The following UTRN variants were observed in gnomAD, a reference collection of about 807,000 sequenced individuals.
UTRN encodes utrophin, also known as dystrophin-related protein 1.
A neutral mutation model predicts 463.9 loss-of-function variants in UTRN; 283 were observed. That is an observed-to-expected ratio of 0.61 (90% CI 0.55 to 0.67). The LOEUF is 0.67. Ranked by LOEUF, UTRN falls within the 30% of genes least tolerant of loss-of-function variation. The pLI is 0.00. For missense variants in UTRN, 3,922 were observed against 4,084.3 expected (o/e 0.96, Z 1.08); for synonymous variants, 1,442 against 1,431.5 (o/e 1.01, Z -0.17).
intron 2 of UTRN, among the ~76,000 whole-genome samples, chr6:144,354,929 A>C (rs1400494166): frequency 6.6e-6 from 1 of 152,168 alleles, no homozygotes; most frequent in Admixed American, 6.5e-5. Context: ...TCAGGTGGTC[A>C]TTGTGTATGT....
chr6:144,490,148 C>T lies in UTRN; in HGVS notation c.4212C>T (p.Thr1404=). 6.2e-7 allele frequency: 1 copy of T among 1,613,820 alleles called. No individual in the cohort carries two copies. The highest frequency in any genetic ancestry group is 8.5e-7 in the Non-Finnish European group (1 of 1,179,854). Residue 1404 remains threonine (T), a synonymous_variant, in exon 31 of 75, where the codon ACC becomes ACT. Transcript: ENST00000367545. ...LRRNMRSQPL[T]SPESRTARGG... is the part of the protein sequence containing the mutation. ...GAAATATGCGTTCTCAGCCCCTGAC[C>T]TCCCCAGAGAGTAGGACTGCCAGAG... is the stretch of plus-strand genomic sequence containing the variant.
At chr6:144,654,856 C>T (rs1482410590) in intron 51 of UTRN, among the ~76,000 whole-genome samples, 1 of 152,230 alleles carries the variant, frequency 6.6e-6, no homozygotes, top group Admixed American at 6.5e-5. Flanking sequence ...GACTCCTGCA[C>T]CTGGTTGGCT....
chr6:144,721,304 T>C (rs1787132776), intron 53 of UTRN, among the ~76,000 whole-genome samples: 1 of 152,184 alleles, frequency 6.6e-6, no homozygotes, highest in Admixed American at 6.5e-5. Context: ...CTCAAACTCC[T>C]GGAGCCAAGC....
In UTRN at chr6:144,517,133, A is replaced by G. The variant is rs76099336; in HGVS notation, c.5541+185A>G. On this transcript the variant is annotated intron_variant, in intron 39 of 74. Transcript: ENST00000367545. ...GGTGCAGAACTCAAAATGGAAATGT[A>G]AAACCTTATTATTGGCCATCTCTTT... 2.5e-3 allele frequency among the ~76,000 whole-genome samples: 375 copies of G among 151,866 alleles called. 13 individuals carry two copies. In the East Asian group the frequency reaches 0.058, roughly 24 times the overall value.
chr6:144,484,432 C>CTTTTTTTTTTT (rs765122659), intron 27 of UTRN, among the ~76,000 whole-genome samples: 3 of 66,254 alleles, frequency 4.5e-5, no homozygotes, highest in African/African-American at 7.6e-5. Context: ...AAAAACCAAA[C>CTTTTTTTTTTT]TTTTTTTTTT....
intron 51 of UTRN, among the ~76,000 whole-genome samples, chr6:144,650,613 A>G (rs186359620): frequency 2.0e-5 from 3 of 152,330 alleles, no homozygotes; most frequent in East Asian, 1.9e-4. Flanking sequence ...CTGGCTTTTA[A>G]TAATTACTGG....
At chr6:144,684,216 A>G (rs1782509252) in intron 52 of UTRN, among the ~76,000 whole-genome samples, 1 of 151,598 alleles carries the variant, frequency 6.6e-6, no homozygotes, top group Admixed American at 6.6e-5. Context: ...CACCCAACTT[A>G]TTTTTGTATT....
chr6:144,481,698 C>T (rs1310599418), intron 26 of UTRN, among the ~76,000 whole-genome samples: 2 of 152,312 alleles, frequency 1.3e-5, no homozygotes, highest in African/African-American at 4.8e-5. Flanking sequence ...GAAATGAAAA[C>T]ATTTGTGGGA....
chr6:144,406,662 C>T (rs559970046), intron 3 of UTRN, among the ~76,000 whole-genome samples: 11 of 152,286 alleles, frequency 7.2e-5, no homozygotes, highest in Middle Eastern at 3.4e-3. Flanking sequence ...CCACCACGCC[C>T]GGCCTCCCCT....
At chr6:144,412,389 T>C (rs1783976351) in intron 3 of UTRN, among the ~76,000 whole-genome samples, 1 of 152,144 alleles carries the variant, frequency 6.6e-6, no homozygotes, top group Admixed American at 6.5e-5. Flanking sequence ...ATGTACATAG[T>C]GCTTACTGAT....
chr6:144,711,514 A>G (rs1167362050), intron 53 of UTRN, among the ~76,000 whole-genome samples: 1 of 152,204 alleles, frequency 6.6e-6, no homozygotes, highest in Non-Finnish European at 1.5e-5. Flanking sequence ...AATTACCTAT[A>G]ATGCACCTAC....
chr6:144,298,278 C>G (rs1804914500), intron 2 of UTRN, among the ~76,000 whole-genome samples: 1 of 152,180 alleles, frequency 6.6e-6, no homozygotes, highest in Non-Finnish European at 1.5e-5. Flanking sequence ...GATGATGGCT[C>G]TTGGACTGAG....
rs1173973786 is a variant in UTRN, at chr6:144,514,012, C to G, written c.5048C>G (p.Thr1683Arg). 1.9e-6 allele frequency: 3 copies of G among 1,613,940 alleles called. No individual in the cohort carries two copies. Among genetic ancestry groups the G allele is most frequent in the Non-Finnish European group, 2.5e-6 (3 of 1,179,904 alleles). Residue 1683 changes from threonine to arginine, a missense_variant, in exon 36 of 75, where the codon ACA becomes AGA. Transcript: ENST00000367545. ...TTGGATGAAATTGAAAAGAAACCAA[C>G]AAGTAAACAGGAAGAAATTGTGAAG... ...ALLDEIEKKP[T>R]SKQEEIVKRL...
At chr6:144,746,154 C>G (rs1455094205) in intron 54 of UTRN, among the ~76,000 whole-genome samples, 2 of 151,812 alleles carry the variant, frequency 1.3e-5, no homozygotes, top group Non-Finnish European at 2.9e-5. Context: ...GCATGCGCTA[C>G]CATACCCAGC....
chr6:144,830,554 T>G (rs1780579624), intron 69 of UTRN, among the ~76,000 whole-genome samples: 1 of 152,218 alleles, frequency 6.6e-6, no homozygotes. Context: ...ATGATTTTAC[T>G]TCATTTCACT....
At chr6:144,684,049 CTTTT>C (rs751258844) in intron 52 of UTRN, among the ~76,000 whole-genome samples, 1 of 137,286 alleles carries the variant, frequency 7.3e-6, no homozygotes. Flanking sequence ...TGTCCCTTTA[CTTTT>C]TTTTTTTTTT....
At chr6:144,635,514 CTTTTTTTTT>C (rs1402815648) in intron 51 of UTRN, among the ~76,000 whole-genome samples, 19 of 80,030 alleles carry the variant, frequency 2.4e-4, no homozygotes, top group South Asian at 5.5e-4. Context: ...CTTTTTTTTT[CTTTTTTTTT>C]TTTTTTCTTT....
In UTRN at chr6:144,699,283, C is replaced by T. The variant is rs780123383; in HGVS notation, c.7653-804C>T. On this transcript the variant is annotated intron_variant, in intron 52 of 74. Transcript: ENST00000367545. ...TGAAATCCCGTCTCTACTAAAAATA[C>T]GAAAATTAACCGGGCATGGTGGCAC... 4.6e-5 allele frequency among the ~76,000 whole-genome samples: 7 copies of T among 151,854 alleles called. No homozygotes were observed. The South Asian group carries it at 6.2e-4, about 14-fold the overall frequency.
At chr6:144,813,895 C>A (rs1358100639) in intron 65 of UTRN, among the ~76,000 whole-genome samples, 4 of 152,196 alleles carry the variant, frequency 2.6e-5, no homozygotes, top group Admixed American at 6.5e-5. Flanking sequence ...AGACTGGACC[C>A]ATCAGGGCTT....
Sources: allele counts gnomAD v4.1 joint callset (sites outside exome capture counted in the v4.1 genomes callset), GRCh38; gene constraint gnomAD v4.1.1; transcripts MANE v1.5; gene names NCBI Gene and HGNC (gene_info 2026-07-23, HGNC 2026-07-21).